The following TMEM132D variants were observed in gnomAD, a reference collection of about 807,000 sequenced individuals.
TMEM132D encodes transmembrane protein 132D, also known as mature OL transmembrane protein.
A neutral mutation model predicts 62.3 loss-of-function variants in TMEM132D; 21 were observed. The ratio of observed to expected loss-of-function variants is 0.34; its 90% CI spans 0.24 to 0.49. TMEM132D has a LOEUF of 0.49. TMEM132D is among the 20% of genes least tolerant of loss of function. The pLI is 0.99. For synonymous variants in TMEM132D, 621 were observed against 575.6 expected, an observed-to-expected ratio of 1.08 and a Z score of -1.13; for missense variants, 1,346 against 1,402.8, an observed-to-expected ratio of 0.96 and a Z score of 0.65.
Position 129,699,869 on chromosome 12 carries a change from G to T in TMEM132D, c.909C>A (p.Asp303Glu), listed in dbSNP as rs147671149. 4.3e-5 allele frequency: 70 copies of T among 1,614,058 alleles called. No individual in the cohort carries two copies. Among genetic ancestry groups the T allele is most frequent in the Non-Finnish European group, 5.7e-5 (67 of 1,180,054 alleles). Residue 303 changes from aspartate (D) to glutamate (E), a missense_variant, in exon 2 of 9, where the codon GAC becomes GAA. Transcript: ENST00000422113. ...HYIPKTVRKG[D>E]VLTFPVSISR... Reference sequence around the variant, plus strand: ...AGATGGAAACAGGAAAAGTCAGCACGTCTCCTTTCCTCACGGTCTTTGGTA... The same window carrying T: ...AGATGGAAACAGGAAAAGTCAGCACTTCTCCTTTCCTCACGGTCTTTGGTA...
At position 129,430,280 on chromosome 12, in the gene TMEM132D, T is replaced by C. The variant is rs142394778; in HGVS notation, c.1116-92463A>G. Among the ~76,000 whole-genome samples the C allele has an allele frequency of 6.4e-3, 980 of 152,266 alleles. 8 individuals are homozygous for C. Among genetic ancestry groups the C allele is most frequent in the Admixed American group, 0.017 (254 of 15,310 alleles). ...ACTTTTTAATGATCGCCATTCTAAC[T>C]GGTGTGAGATGGCATCTCGTTGTGG... is the stretch of plus-strand genomic sequence containing the variant. On this transcript the variant is annotated intron_variant, in intron 3 of 8. Transcript: ENST00000422113.
At chr12:129,477,114 C>T (rs1375789053) in intron 3 of TMEM132D, among the ~76,000 whole-genome samples, 1 of 152,166 alleles carries the variant, frequency 6.6e-6, no homozygotes, top group Non-Finnish European at 1.5e-5. Context: ...TTATTTTTAA[C>T]AGGGATGTTT....
At chr12:129,476,813 T>G (rs772013611) in intron 3 of TMEM132D, among the ~76,000 whole-genome samples, 2 of 152,216 alleles carry the variant, frequency 1.3e-5, no homozygotes, top group Non-Finnish European at 2.9e-5. Flanking sequence ...AAGCTTAATC[T>G]CGCTTCAATC....
chr12:129,788,727 T>C (rs1871312960), intron 1 of TMEM132D, among the ~76,000 whole-genome samples: 1 of 152,118 alleles, frequency 6.6e-6, no homozygotes, highest in Non-Finnish European at 1.5e-5. Context: ...CAGGGTATGA[T>C]GACTTACCAA....
intron 4 of TMEM132D, among the ~76,000 whole-genome samples, chr12:129,215,014 G>A (rs752586125): frequency 7.2e-5 from 11 of 152,180 alleles, no homozygotes; most frequent in Admixed American, 1.3e-4. Flanking sequence ...GCATGTGCAT[G>A]TATACTGCAG....
intron 3 of TMEM132D, among the ~76,000 whole-genome samples, chr12:129,339,090 G>A (rs992684904): frequency 1.3e-5 from 2 of 152,074 alleles, no homozygotes; most frequent in Non-Finnish European, 2.9e-5. Flanking sequence ...GGCCAACAGG[G>A]CAAAACTCTA....
chr12:129,633,285 G>A (rs1879392938), intron 2 of TMEM132D, among the ~76,000 whole-genome samples: 1 of 152,058 alleles, frequency 6.6e-6, no homozygotes, highest in Non-Finnish European at 1.5e-5. Flanking sequence ...CAAATCCAAA[G>A]TTTTCAAGAT....
intron 6 of TMEM132D, among the ~76,000 whole-genome samples, chr12:129,083,444 A>T (rs2061843786): frequency 6.6e-6 from 1 of 152,162 alleles, no homozygotes; most frequent in South Asian, 2.1e-4. Context: ...ATCTTCCCCT[A>T]CAGTTTTTTC....
chr12:129,517,253 A>G (rs1400472297), intron 3 of TMEM132D, among the ~76,000 whole-genome samples: 1 of 152,178 alleles, frequency 6.6e-6, no homozygotes, highest in African/African-American at 2.4e-5. Flanking sequence ...TCAAATGGTG[A>G]TGATATTTTT....
At chr12:129,797,366 T>C (rs544159131) in intron 1 of TMEM132D, among the ~76,000 whole-genome samples, 1 of 152,196 alleles carries the variant, frequency 6.6e-6, no homozygotes, top group Non-Finnish European at 1.5e-5. Context: ...GAGTTTTAGT[T>C]GCAAACGATA....
At chr12:129,442,882 C>T (rs145791900) in intron 3 of TMEM132D, among the ~76,000 whole-genome samples, 2 of 152,190 alleles carry the variant, frequency 1.3e-5, no homozygotes, top group African/African-American at 4.8e-5. Flanking sequence ...GGTGTGCTGC[C>T]GAGGTCACTC....
intron 1 of TMEM132D, among the ~76,000 whole-genome samples, chr12:129,864,099 T>C (rs1040137498): frequency 3.3e-5 from 5 of 152,168 alleles, no homozygotes; most frequent in African/African-American, 1.2e-4. Context: ...TAAAAAGCAC[T>C]GCCACTCCTA....
At chr12:129,130,834 G>T (rs893583911) in intron 5 of TMEM132D, among the ~76,000 whole-genome samples, 3 of 152,202 alleles carry the variant, frequency 2.0e-5, no homozygotes, top group African/African-American at 7.2e-5. Context: ...TTATACCAAT[G>T]CATGCTTCGA....
chr12:129,541,205 C>T (rs1242736077), intron 2 of TMEM132D, among the ~76,000 whole-genome samples: 3 of 152,146 alleles, frequency 2.0e-5, no homozygotes, highest in African/African-American at 7.2e-5. Flanking sequence ...ATAAAGCCAG[C>T]AAGGAACACA....
intron 2 of TMEM132D, among the ~76,000 whole-genome samples, chr12:129,563,560 C>T (rs534265330): frequency 6.6e-6 from 1 of 152,240 alleles, no homozygotes; most frequent in East Asian, 1.9e-4. Context: ...AGAGATGTGT[C>T]TGTTTCTGGT....
intron 5 of TMEM132D, among the ~76,000 whole-genome samples, chr12:129,200,308 C>G (rs1852179608): frequency 6.6e-6 from 1 of 152,112 alleles, no homozygotes; most frequent in Non-Finnish European, 1.5e-5. Flanking sequence ...TTACCCCTGC[C>G]GAATAAAAGA....
intron 1 of TMEM132D, among the ~76,000 whole-genome samples, chr12:129,717,622 A>G (rs888502500): frequency 6.6e-5 from 10 of 150,454 alleles, no homozygotes; most frequent in Non-Finnish European, 1.5e-4. Flanking sequence ...TATGAGGCCC[A>G]CAGAAATGTG....
chr12:129,473,025 C>A (rs1031761055), intron 3 of TMEM132D, among the ~76,000 whole-genome samples: 2 of 151,966 alleles, frequency 1.3e-5, no homozygotes, highest in African/African-American at 4.8e-5. Context: ...CCACCACGCC[C>A]GGCTAATTTT....
intron 4 of TMEM132D, among the ~76,000 whole-genome samples, chr12:129,316,974 C>T (rs1031011974): frequency 4.6e-5 from 7 of 152,078 alleles, no homozygotes; most frequent in African/African-American, 1.2e-4. Context: ...TACTCTTGCT[C>T]GCTTTTGGTG....
Sources: gnomAD v4.1 joint callset for allele counts (sites outside exome capture counted in the v4.1 genomes callset) on GRCh38, gnomAD v4.1.1 for gene constraint, MANE v1.5 for transcripts, NCBI Gene and HGNC (gene_info 2026-07-23, HGNC 2026-07-21) for gene names.